Variants in DNAJB6 observed in about 807,000 individuals in gnomAD.
DNAJB6 encodes the protein dnaJ homolog subfamily B member 6.
DNAJB6 carries 16 observed loss-of-function variants against 42.7 expected under a neutral mutation model. The ratio of observed to expected loss-of-function variants is 0.37; its 90% CI spans 0.25 to 0.57. DNAJB6 has a LOEUF of 0.57. Ranked by LOEUF, DNAJB6 falls within the 20% of genes least tolerant of loss-of-function variation. The pLI is 0.74. For missense variants in DNAJB6, 347 were observed against 416.8 expected (o/e 0.83, Z 1.46); for synonymous variants, 170 against 163.5 (o/e 1.04, Z -0.30).
At chr7:157,371,959 A>G (rs1327289436) in intron 5 of DNAJB6, among the ~76,000 whole-genome samples, 1 of 152,222 alleles carries the variant, frequency 6.6e-6, no homozygotes, top group African/African-American at 2.4e-5. Context: ...CAGTGCAGCA[A>G]GTTTTTCCTT....
chr7:157,382,561 C>A, intron 6 of DNAJB6, 184 bp downstream of exon 6: 1 of 422,746 alleles, frequency 2.4e-6, no homozygotes, highest in Non-Finnish European at 4.0e-6. Flanking sequence ...CCTAATCTTC[C>A]TAAGAATGTC....
At chr7:157,405,153 C>T (rs541786014) in intron 8 of DNAJB6, among the ~76,000 whole-genome samples, 101 of 152,276 alleles carry the variant, frequency 6.6e-4, no homozygotes, top group African/African-American at 2.2e-3. Context: ...TGGGACGCGG[C>T]GATGGCAGAG....
At chr7:157,358,471 T>C in intron 1 of DNAJB6, 76 bp from the exon 2 acceptor site, 2 of 934,790 alleles carry the variant, frequency 2.1e-6, no homozygotes, top group Non-Finnish European at 3.4e-6. Flanking sequence ...CCTTCCTCCC[T>C]CTCCAGACCC....
chr7:157,352,158 G>A (rs569533511), intron 1 of DNAJB6, among the ~76,000 whole-genome samples: 107 of 151,964 alleles, frequency 7.0e-4, no homozygotes, highest in Non-Finnish European at 1.3e-3. Context: ...GGTGAAACCC[G>A]TCCCTACTAA....
intron 1 of DNAJB6, 29 bp from the exon 2 acceptor site, chr7:157,358,518 C>T: frequency 6.8e-7 from 1 of 1,479,250 alleles, no homozygotes. Flanking sequence ...CCAGCAGCCT[C>T]ATCACTGACC....
At chr7:157,401,220 C>T (rs1016260014) in intron 8 of DNAJB6, among the ~76,000 whole-genome samples, 2 of 152,034 alleles carry the variant, frequency 1.3e-5, no homozygotes, top group African/African-American at 4.8e-5. Flanking sequence ...ATTTATATTT[C>T]TTTTTTCTTT....
At chr7:157,377,208 G>A (rs1800517542) in intron 5 of DNAJB6, among the ~76,000 whole-genome samples, 1 of 144,490 alleles carries the variant, frequency 6.9e-6, no homozygotes, top group South Asian at 2.1e-4. Flanking sequence ...ATCTAGCCAT[G>A]TTAATAAGAC....
intron 9 of DNAJB6, chr7:157,412,041 A>T (rs1290464322): frequency 1.3e-5 from 2 of 152,092 alleles, no homozygotes; most frequent in Non-Finnish European, 2.9e-5. Context: ...CCTTTTTTTA[A>T]TCGCTTCATG....
At position 157,352,127 on chromosome 7, in the gene DNAJB6, C is replaced by T. The variant is rs142961493; in HGVS notation, c.-26-6420C>T. Among the ~76,000 whole-genome samples, 646 of 151,470 alleles carry T rather than the reference C, an allele frequency of 4.3e-3. 5 individuals are homozygous for T. The highest frequency in any genetic ancestry group is 0.015 in the African/African-American group (608 of 41,284). On this transcript the variant is annotated intron_variant, in intron 1 of 9. Coordinates refer to ENST00000262177, the MANE Select transcript of DNAJB6 (RefSeq NM_058246.4). ...TGAGCGGATAACGAGGTCAGGAGAT[C>T]GAGACCATCCTGGCCAACATGGTGA...
At chr7:157,349,904 G>A (rs1226162601) in intron 1 of DNAJB6, among the ~76,000 whole-genome samples, 1 of 152,050 alleles carries the variant, frequency 6.6e-6, no homozygotes, top group Non-Finnish European at 1.5e-5. Flanking sequence ...CAGCCTCCCA[G>A]AGTGGTGGGA....
chr7:157,359,179 C>A (rs1442960982), intron 2 of DNAJB6, among the ~76,000 whole-genome samples: 1 of 152,100 alleles, frequency 6.6e-6, no homozygotes. Context: ...GAGGTGTTAA[C>A]TGTGAATGTA....
intron 8 of DNAJB6, among the ~76,000 whole-genome samples, chr7:157,401,226 T>C (rs28725400): frequency 6.6e-6 from 1 of 152,138 alleles, no homozygotes; most frequent in Non-Finnish European, 1.5e-5. Context: ...ATTTCTTTTT[T>C]CTTTTTTTTT....
Position 157,409,792 on chromosome 7 carries a change from C to T in DNAJB6, c.692-3C>T. 3.3e-6 allele frequency: 5 copies of T among 1,524,976 alleles called. No individual in the cohort carries two copies. The highest frequency in any genetic ancestry group is 4.4e-6 in the Non-Finnish European group (5 of 1,139,332). 94.5% of individuals were successfully genotyped at this position (1,524,976 alleles called of 1,614,324 possible). A position where few individuals can be genotyped will look rare whatever the true frequency, so the allele number is the denominator to read the frequency against. Reference sequence around the variant, plus strand: ...GGCTCTCTCTCTCCCGCTGTGCCTGCAGGTGTGGCCGACGACGATGCCCTC... The same window carrying T: ...GGCTCTCTCTCTCCCGCTGTGCCTGTAGGTGTGGCCGACGACGATGCCCTC... On this transcript the variant is annotated splice_region_variant and splice_polypyrimidine_tract_variant and intron_variant, in intron 8 of 9. Transcript: ENST00000262177.
intron 8 of DNAJB6, among the ~76,000 whole-genome samples, chr7:157,404,394 T>A: frequency 6.6e-6 from 1 of 150,564 alleles, no homozygotes; most frequent in East Asian, 1.9e-4. Context: ...TCGGCTCAAG[T>A]AATTCTCCCA....
intron 9 of DNAJB6, chr7:157,414,052 G>A (rs1796045569): frequency 6.6e-6 from 1 of 152,190 alleles, no homozygotes; most frequent in African/African-American, 2.4e-5. Flanking sequence ...ACCGGAAAGT[G>A]GTTTCCTTGT....
Position 157,358,594 on chromosome 7 carries a change from C to A in DNAJB6, c.22C>A (p.Leu8Ile). ...AAACATGGTGGATTACTATGAAGTTCTAGGCGTGCAGAGACATGCCTCACC... is the reference window on the plus strand; with the variant it reads ...AAACATGGTGGATTACTATGAAGTTATAGGCGTGCAGAGACATGCCTCACC... Reference protein sequence around the residue: MVDYYEVLGVQRHASPED... With the variant: MVDYYEVIGVQRHASPED... Residue 8 changes from leucine to isoleucine, a missense_variant, in exon 2 of 10, where the codon CTA (leucine) becomes ATA (isoleucine). Physicochemically the swap from Leu to Ile is conservative, Grantham distance 5. This residue lies in a region of DNAJB6 where 78 missense variants were observed against 102.1 expected (regional missense o/e 0.76). Transcript: ENST00000262177. 6.2e-7 allele frequency: 1 copy of A among 1,613,910 alleles called. No homozygotes were observed. Among genetic ancestry groups the A allele is most frequent in the Non-Finnish European group, 8.5e-7 (1 of 1,179,802 alleles).
chr7:157,390,468 G>A (rs533747362), intron 8 of DNAJB6, among the ~76,000 whole-genome samples: 48 of 152,294 alleles, frequency 3.2e-4, no homozygotes, highest in Non-Finnish European at 6.0e-4. Flanking sequence ...CCCCCTAGCT[G>A]GTTACTGAAC....
chr7:157,358,837 T>G (rs1799438172), intron 2 of DNAJB6, among the ~76,000 whole-genome samples, 200 bp downstream of exon 2: 1 of 152,176 alleles, frequency 6.6e-6, no homozygotes. Flanking sequence ...AGTCAGTCAC[T>G]TGGTTTATAT....
At chr7:157,373,565 A>C (rs1800324040) in intron 5 of DNAJB6, among the ~76,000 whole-genome samples, 1 of 152,162 alleles carries the variant, frequency 6.6e-6, no homozygotes. Flanking sequence ...TGGCCAGGCT[A>C]GTCTCGAACT....
Sources: allele counts gnomAD v4.1 joint callset (sites outside exome capture counted in the v4.1 genomes callset), GRCh38; gene constraint gnomAD v4.1.1; regional missense constraint gnomAD v4.1.1; transcripts MANE v1.5; gene names NCBI Gene and HGNC (gene_info 2026-07-23, HGNC 2026-07-21).